The following WBP2NL variants were observed in gnomAD, a reference collection of about 807,000 sequenced individuals.
WBP2NL encodes the protein WBP2 N-terminal like.
In WBP2NL, 27 loss-of-function variants were observed where a neutral mutation model predicts 23.3. That is an observed-to-expected ratio of 1.16 (90% CI 0.85 to 1.60). WBP2NL has a LOEUF of 1.60. Ranked by LOEUF, WBP2NL falls within the 40% of genes most tolerant of loss-of-function variation. WBP2NL has a pLI of 0.00. For synonymous variants in WBP2NL, 151 were observed against 145.9 expected, an observed-to-expected ratio of 1.03 and a Z score of -0.25; for missense variants, 370 against 389.5, an observed-to-expected ratio of 0.95 and a Z score of 0.42.
chr22:42,045,748 A>T (rs1388839773), intron 8 of WBP2NL, among the ~76,000 whole-genome samples: 3 of 152,268 alleles, frequency 2.0e-5, no homozygotes, highest in Non-Finnish European at 4.4e-5. Flanking sequence ...CACCAGGCTC[A>T]GGTGAGTTCA....
chr22:42,013,829 G>C (rs1163172824), intron 1 of WBP2NL, among the ~76,000 whole-genome samples: 1 of 151,288 alleles, frequency 6.6e-6, no homozygotes, highest in African/African-American at 2.4e-5. Flanking sequence ...TGCCCAGACT[G>C]GAGTGCATTG....
At position 42,026,907 on chromosome 22, in the gene WBP2NL, C is replaced by A; in HGVS notation, c.656C>A (p.Ala219Asp). 1.9e-6 allele frequency: 3 copies of A among 1,612,694 alleles called. No homozygotes were observed. Among genetic ancestry groups the A allele is most frequent in the Non-Finnish European group, 2.5e-6 (3 of 1,179,664 alleles). ...AGAGCCTCACCTGTGCGATATGGAG[C>A]CCCACCTCTTGGATACGGAGCCCCA... The part of the protein sequence containing the change: ...GYRASPVRYG[A>D]PPLGYGAPPA... Residue 219 changes from alanine to aspartate, a missense_variant, in exon 6 of 6, where the codon GCC becomes GAC. Coordinates refer to ENST00000328823, the MANE Select transcript of WBP2NL (RefSeq NM_152613.3).
chr22:42,047,723 G>A (rs1015920642), intron 8 of WBP2NL, among the ~76,000 whole-genome samples: 2 of 146,762 alleles, frequency 1.4e-5, no homozygotes, highest in Admixed American at 6.9e-5. Context: ...CCGGGTTCAC[G>A]CCATTCTCCT....
chr22:42,002,307 G>A (rs191928527), intron 1 of WBP2NL, among the ~76,000 whole-genome samples: 2 of 152,154 alleles, frequency 1.3e-5, no homozygotes, highest in Non-Finnish European at 2.9e-5. Flanking sequence ...TACCAGCCAG[G>A]CGTGGTGGCT....
At chr22:42,012,904 A>G (rs1922955083) in intron 1 of WBP2NL, among the ~76,000 whole-genome samples, 1 of 151,802 alleles carries the variant, frequency 6.6e-6, no homozygotes, top group African/African-American at 2.4e-5. Context: ...AGGCAGGAGA[A>G]TCACTTGAAC....
At chr22:42,020,200 A>T (rs922416789) in intron 4 of WBP2NL, 104 bp downstream of exon 4, 22 of 1,171,132 alleles carry the variant, frequency 1.9e-5, no homozygotes, top group African/African-American at 3.1e-5. Flanking sequence ...GTTGTTTTTG[A>T]GACAGGGATT....
downstream of WBP2NL, among the ~76,000 whole-genome samples, chr22:42,033,375 C>T (rs569319281): frequency 4.6e-5 from 7 of 152,292 alleles, no homozygotes; most frequent in East Asian, 7.7e-4. Flanking sequence ...CTGGGCTTCC[C>T]AAAGGGCTGC....
chr22:42,022,379 T>C, intron 5 of WBP2NL, 23 bp downstream of exon 5: 1 of 1,580,680 alleles, frequency 6.3e-7, no homozygotes, highest in Non-Finnish European at 8.6e-7. Context: ...AGAGAGGTTC[T>C]TCCTGGAAGG....
chr22:42,036,733 A>G (rs1381121550), downstream of WBP2NL, among the ~76,000 whole-genome samples: 1 of 152,072 alleles, frequency 6.6e-6, no homozygotes, highest in African/African-American at 2.4e-5. Flanking sequence ...TCCTTTTTTG[A>G]GAAGTGTCTA....
At chr22:42,035,851 A>G (rs767063289), downstream of WBP2NL, among the ~76,000 whole-genome samples, 25 of 151,830 alleles carry the variant, frequency 1.6e-4, no homozygotes, top group Non-Finnish European at 2.2e-4. Flanking sequence ...CCACCATCCT[A>G]CTTTCTGTTT....
At chr22:42,010,901 T>C (rs1260023514) in intron 1 of WBP2NL, among the ~76,000 whole-genome samples, 4 of 152,222 alleles carry the variant, frequency 2.6e-5, no homozygotes, top group Admixed American at 2.6e-4. Context: ...CATGGTTTTT[T>C]CCCTTCATTT....
intron 1 of WBP2NL, among the ~76,000 whole-genome samples, chr22:42,006,711 A>G (rs1296087621): frequency 6.6e-6 from 1 of 152,214 alleles, no homozygotes; most frequent in Non-Finnish European, 1.5e-5. Context: ...ACTTATGTTG[A>G]GAAATAAGGT....
At chr22:42,005,444 G>T (rs905871717) in intron 1 of WBP2NL, among the ~76,000 whole-genome samples, 8 of 152,136 alleles carry the variant, frequency 5.3e-5, no homozygotes, top group Admixed American at 3.9e-4. Context: ...AACTCAGGAG[G>T]TGGAGGTTGC....
At chr22:42,051,772 A>G (rs183525585) in intron 8 of WBP2NL, among the ~76,000 whole-genome samples, 1 of 152,320 alleles carries the variant, frequency 6.6e-6, no homozygotes, top group African/African-American at 2.4e-5. Flanking sequence ...GGCAAAAACC[A>G]CCATGTAGAA....
Position 42,004,577 on chromosome 22 carries a change from G to A in WBP2NL, c.62+5697G>A, listed in dbSNP as rs1470312938. 2.0e-5 allele frequency among the ~76,000 whole-genome samples: 3 copies of A among 152,094 alleles called. No homozygotes were observed. In the East Asian group the frequency reaches 5.8e-4, roughly 29 times the overall value. ...CCACTGCACTCCAGCCTCCAGCCTG[G>A]GTGACAGAGTGAGACCCTGTCTCAA... On this transcript the variant is annotated intron_variant, in intron 1 of 5. Transcript: ENST00000328823.
At chr22:42,037,352 AAGAT>A (rs1361774808), downstream of WBP2NL, among the ~76,000 whole-genome samples, 1 of 152,104 alleles carries the variant, frequency 6.6e-6, no homozygotes, top group Non-Finnish European at 1.5e-5. Context: ...ATAGCTTTGT[AAGAT>A]AGATAATTTG....
chr22:42,056,547 A>G (rs2146828692), intron 8 of WBP2NL, among the ~76,000 whole-genome samples: 1 of 152,198 alleles, frequency 6.6e-6, no homozygotes, highest in East Asian at 1.9e-4. Flanking sequence ...TTAGTATTTT[A>G]TGTAGGGCAG....
chr22:42,056,598 G>A (rs956725654), intron 8 of WBP2NL, among the ~76,000 whole-genome samples: 40 of 152,086 alleles, frequency 2.6e-4, no homozygotes, highest in African/African-American at 8.7e-4. Flanking sequence ...ATCTGGGAAT[G>A]TTTTCATGTT....
At chr22:42,001,404 C>T (rs1344341476) in intron 1 of WBP2NL, 9 of 725,130 alleles carry the variant, frequency 1.2e-5, no homozygotes, top group Non-Finnish European at 1.9e-5. Flanking sequence ...AGGCAGCAGG[C>T]AGCTCGGTAG....
Sources: allele counts gnomAD v4.1 joint callset (sites outside exome capture counted in the v4.1 genomes callset), GRCh38; gene constraint gnomAD v4.1.1; transcripts MANE v1.5; gene names NCBI Gene and HGNC (gene_info 2026-07-23, HGNC 2026-07-21).